C2orf80: variants seen among roughly 807,000 people sequenced by gnomAD.
C2orf80 encodes the protein chromosome 2 open reading frame 80, also known as uncharacterized protein C2orf80.
In C2orf80, 28 loss-of-function variants were observed where a neutral mutation model predicts 30.2. The observed-to-expected ratio is 0.93, with a 90% CI of 0.69 to 1.27. The LOEUF (loss-of-function observed/expected upper bound fraction) is 1.27. Ranked by LOEUF, C2orf80 falls within the 50% of genes most tolerant of loss-of-function variation. C2orf80 has a pLI of 0.00. For missense variants in C2orf80, 220 were observed against 231.0 expected (o/e 0.95, Z 0.31); for synonymous variants, 80 against 76.4 (o/e 1.05, Z -0.24).
chr2:208,174,428 C>T (rs1043896865), intron 6 of C2orf80, among the ~76,000 whole-genome samples: 6 of 152,122 alleles, frequency 3.9e-5, no homozygotes, highest in Admixed American at 6.6e-5. Flanking sequence ...AGGCCTATCA[C>T]GAAGGGACCA....
At chr2:208,175,211 CGGGGGGG>C (rs71412474) in intron 6 of C2orf80, among the ~76,000 whole-genome samples, 2 of 128,194 alleles carry the variant, frequency 1.6e-5, no homozygotes, top group South Asian at 5.1e-4. Context: ...ACTTGAACCC[CGGGGGGG>C]GGGGGGGCGG....
Position 208,181,403 on chromosome 2 carries a change from T to C in C2orf80, c.207-98A>G, listed in dbSNP as rs1163443495. 3 of 736,070 alleles carry C rather than the reference T, an allele frequency of 4.1e-6. No individual in the cohort carries two copies. In the African/African-American group the frequency reaches 5.3e-5, roughly 13 times the overall value. 45.6% of individuals were successfully genotyped at this position (736,070 alleles called of 1,614,324 possible). On this transcript the variant is annotated intron_variant, in intron 4 of 8. Coordinates refer to ENST00000341287, the MANE Select transcript of C2orf80 (RefSeq NM_001099334.3). ...TAATCGATAAGTAATCTGCAATGGC[T>C]GTGTGCTATCTGCTTATTTATATTA...
At chr2:208,169,686 G>T (rs1299100401) in intron 8 of C2orf80, among the ~76,000 whole-genome samples, 1 of 146,672 alleles carries the variant, frequency 6.8e-6, no homozygotes. Context: ...GCACTCGAGT[G>T]TGGGTGACAG....
intron 6 of C2orf80, among the ~76,000 whole-genome samples, chr2:208,178,379 G>C (rs1419057179): frequency 6.6e-6 from 1 of 152,134 alleles, no homozygotes; most frequent in African/African-American, 2.4e-5. Context: ...TGGGGCTCAG[G>C]CTTGTGTGTA....
intron 8 of C2orf80, among the ~76,000 whole-genome samples, chr2:208,166,377 TG>T (rs1559334882): frequency 2.0e-5 from 3 of 152,208 alleles, no homozygotes. Context: ...GTGGGTTCTT[TG>T]TATATTATTC....
rs1559340340 is a variant in C2orf80 at position 208,176,931 on chromosome 2, GTATACATATC to G, written c.366+3804_366+3813del. Among the ~76,000 whole-genome samples the G allele has an allele frequency of 3.1e-4, 26 of 83,722 alleles. 1 individual carries two copies. The highest frequency in any genetic ancestry group is 9.7e-4 in the African/African-American group (21 of 21,556). The allele number at this position is 83,722 out of a possible 152,430, so 54.9% of individuals were successfully genotyped here. ...TGTGTATACATATCTGTATACATAT[GTATACATATC>G]TGTATACATATCTGTATACATATGT... is the stretch of plus-strand genomic sequence containing the variant. On this transcript the variant is annotated intron_variant, in intron 6 of 8. Coordinates refer to ENST00000341287, the MANE Select transcript of C2orf80 (RefSeq NM_001099334.3).
chr2:208,189,190 G>A (rs577269000), intron 1 of C2orf80, among the ~76,000 whole-genome samples: 1 of 152,312 alleles, frequency 6.6e-6, no homozygotes, highest in African/African-American at 2.4e-5. Context: ...CAGGGAGTAA[G>A]GCACAGTTAG....
intron 1 of C2orf80, among the ~76,000 whole-genome samples, chr2:208,187,903 T>TC (rs1220292422): frequency 6.6e-6 from 1 of 151,976 alleles, no homozygotes; most frequent in Non-Finnish European, 1.5e-5. Context: ...AAGACTGACC[T>TC]CCCCCATGCA....
chr2:208,189,372 C>T (rs1392293014), intron 1 of C2orf80, among the ~76,000 whole-genome samples: 2 of 152,168 alleles, frequency 1.3e-5, no homozygotes, highest in Non-Finnish European at 2.9e-5. Flanking sequence ...GTATAATATG[C>T]AAAGGTTTCA....
At chr2:208,166,127 G>A (rs1695878914) in intron 8 of C2orf80, among the ~76,000 whole-genome samples, 1 of 152,160 alleles carries the variant, frequency 6.6e-6, no homozygotes, top group South Asian at 2.1e-4. Context: ...TTAAATAAAA[G>A]TACCAATAAT....
At chr2:208,182,696 C>T (rs536749162) in intron 4 of C2orf80, among the ~76,000 whole-genome samples, 3 of 152,310 alleles carry the variant, frequency 2.0e-5, no homozygotes, top group South Asian at 4.1e-4. Context: ...CCACCGCGCC[C>T]GGCCCCTTAA....
chr2:208,188,448 A>T lies in C2orf80; in HGVS notation c.-75-1387T>A, dbSNP rs866405981. 1.1e-3 allele frequency among the ~76,000 whole-genome samples: 161 copies of T among 140,182 alleles called. 1 individual carries two copies. In the South Asian group the frequency reaches 0.018, roughly 16 times the overall value. The allele number at this position is 140,182 out of a possible 152,430, so 92.0% of individuals were successfully genotyped here. A position where few individuals can be genotyped will look rare whatever the true frequency, so the allele number is the denominator to read the frequency against. On this transcript the variant is annotated intron_variant, in intron 1 of 8. Coordinates refer to ENST00000341287, the MANE Select transcript of C2orf80 (RefSeq NM_001099334.3). ...CCCTAGGCCACCTTCATTATTTTGG[A>T]TTTTTTTTTTTTTTTTGAGACGGAG...
intron 5 of C2orf80, among the ~76,000 whole-genome samples, 195 bp from the exon 6 acceptor site, chr2:208,181,011 CT>C (rs1696540179): frequency 6.6e-6 from 1 of 152,102 alleles, no homozygotes; most frequent in Non-Finnish European, 1.5e-5. Flanking sequence ...TCATTCTTTT[CT>C]TTTTTCTTTG....
chr2:208,177,014 G>T (rs1225275781), intron 6 of C2orf80, among the ~76,000 whole-genome samples: 446 of 31,108 alleles, frequency 0.014, no homozygotes, highest in African/African-American at 0.036. Context: ...CATATATACA[G>T]ATACATATAT....
intron 6 of C2orf80, among the ~76,000 whole-genome samples, chr2:208,179,960 T>TGGTC (rs1181613436): frequency 6.6e-6 from 1 of 152,070 alleles, no homozygotes; most frequent in Non-Finnish European, 1.5e-5. Flanking sequence ...AGACCAGCAG[T>TGGTC]GAGACCCGTC....
Position 208,173,454 on chromosome 2 carries a change from G to C in C2orf80, c.367-1379C>G, listed in dbSNP as rs553601001. ...CCTGGATAACACTGTGAAAACCCGT[G>C]TCTACTAAAAATACAAAAAAATTAG... is the stretch of plus-strand genomic sequence containing the variant. On this transcript the variant is annotated intron_variant, in intron 6 of 8. Transcript: ENST00000341287. Among the ~76,000 whole-genome samples the C allele has an allele frequency of 1.6e-4, 24 of 151,986 alleles. No individual in the cohort carries two copies. In the South Asian group the frequency reaches 3.9e-3, roughly 25 times the overall value.
At chr2:208,167,904 CT>C (rs1695955573) in intron 8 of C2orf80, among the ~76,000 whole-genome samples, 1 of 148,824 alleles carries the variant, frequency 6.7e-6, no homozygotes, top group African/African-American at 2.5e-5. Flanking sequence ...ATAATTTCCT[CT>C]TTTCTCTTAC....
chr2:208,187,896 A>T (rs1696763983), intron 1 of C2orf80, among the ~76,000 whole-genome samples: 1 of 151,820 alleles, frequency 6.6e-6, no homozygotes, highest in Non-Finnish European at 1.5e-5. Context: ...AGAACAAAAG[A>T]CTGACCTCCC....
chr2:208,187,645 C>G (rs562945402), intron 1 of C2orf80, among the ~76,000 whole-genome samples: 77 of 152,210 alleles, frequency 5.1e-4, no homozygotes, highest in African/African-American at 1.8e-3. Flanking sequence ...AGAAAATCAT[C>G]ACTATTGAAT....
Sources: gnomAD v4.1 joint callset for allele counts (sites outside exome capture counted in the v4.1 genomes callset) on GRCh38, gnomAD v4.1.1 for gene constraint, MANE v1.5 for transcripts, NCBI Gene and HGNC (gene_info 2026-07-23, HGNC 2026-07-21) for gene names.